The following CYP3A43 variants were observed in gnomAD, a reference collection of about 807,000 sequenced individuals.
CYP3A43 encodes cytochrome P450 3A43.
CYP3A43 carries 45 observed loss-of-function variants against 58.0 expected under a neutral mutation model. That is an observed-to-expected ratio of 0.78 (90% CI 0.61 to 0.99). The LOEUF (loss-of-function observed/expected upper bound fraction) is 0.99. CYP3A43 is among the 50% of genes least tolerant of loss of function. CYP3A43 has a pLI of 0.00. For synonymous variants in CYP3A43, 191 were observed against 201.4 expected (o/e 0.95, Z 0.44); for missense variants, 593 against 591.9 (o/e 1.00, Z -0.02).
chr7:99,843,031 G>A (rs56032313), intron 3 of CYP3A43, among the ~76,000 whole-genome samples: 75 of 152,296 alleles, frequency 4.9e-4, no homozygotes, highest in African/African-American at 1.4e-3. Flanking sequence ...ATGCGTAATC[G>A]ACTTTGCCTC....
At chr7:99,831,121 A>G (rs1214448090) in intron 1 of CYP3A43, among the ~76,000 whole-genome samples, 9 of 152,206 alleles carry the variant, frequency 5.9e-5, no homozygotes, top group Non-Finnish European at 7.3e-5. Context: ...TCGATGTGTG[A>G]GTAGGAAAAG....
At chr7:99,844,809 G>A (rs762008617) in intron 4 of CYP3A43, among the ~76,000 whole-genome samples, 5 of 152,046 alleles carry the variant, frequency 3.3e-5, no homozygotes, top group Non-Finnish European at 7.4e-5. Flanking sequence ...GGTGGCTCAC[G>A]CCTATAATCC....
At chr7:99,845,916 C>T (rs1817527853) in intron 4 of CYP3A43, among the ~76,000 whole-genome samples, 3 of 151,894 alleles carry the variant, frequency 2.0e-5, no homozygotes. Flanking sequence ...GCTGGGATTA[C>T]AGGCATGCGG....
intron 1 of CYP3A43, among the ~76,000 whole-genome samples, chr7:99,836,092 A>G (rs1225854633): frequency 6.6e-6 from 1 of 152,182 alleles, no homozygotes; most frequent in Non-Finnish European, 1.5e-5. Flanking sequence ...AGGAAAGGGA[A>G]TGTCCATCCC....
chr7:99,831,951 T>C (rs1221828523), intron 1 of CYP3A43, among the ~76,000 whole-genome samples: 4 of 152,204 alleles, frequency 2.6e-5, no homozygotes, highest in African/African-American at 7.2e-5. Context: ...AATCAAATCA[T>C]CTGACCACAG....
At chr7:99,863,069 A>G (rs1818303879) in intron 11 of CYP3A43, among the ~76,000 whole-genome samples, 1 of 152,202 alleles carries the variant, frequency 6.6e-6, no homozygotes, top group Non-Finnish European at 1.5e-5. Flanking sequence ...ACACATAACT[A>G]TATTCTATAG....
chr7:99,836,448 T>C lies in CYP3A43; in HGVS notation c.72-5T>C. 1 of 1,608,282 alleles carries C rather than the reference T, an allele frequency of 6.2e-7. No homozygotes were observed. The highest frequency in any genetic ancestry group is 8.5e-7 in the Non-Finnish European group (1 of 1,178,212). ...TGTAACCTGGCTTTCTCTTTTATTTTATAGTTATGGGACCCATTCACATAA... is the reference window on the plus strand; with the variant it reads ...TGTAACCTGGCTTTCTCTTTTATTTCATAGTTATGGGACCCATTCACATAA... On this transcript the variant is annotated splice_region_variant and splice_polypyrimidine_tract_variant and intron_variant, in intron 1 of 12. Transcript: ENST00000354829.
chr7:99,850,348 G>A (rs800666), intron 7 of CYP3A43, among the ~76,000 whole-genome samples: 29,465 of 151,510 alleles, frequency 0.19, 5,787 homozygotes, highest in African/African-American at 0.51. Context: ...TGCAACCTCC[G>A]CCTTCCAGGT....
At position 99,848,795 on chromosome 7, in the gene CYP3A43, C is replaced by T. The variant is rs576691533; in HGVS notation, c.521+541C>T. On this transcript the variant is annotated intron_variant, in intron 6 of 12. Transcript: ENST00000354829. ...TGTAAAGGCTATAGGTAGGGCAATGCTATTGTTTGTTGTCTGAACTGGAAT... is the reference window on the plus strand; with the variant it reads ...TGTAAAGGCTATAGGTAGGGCAATGTTATTGTTTGTTGTCTGAACTGGAAT... Among the ~76,000 whole-genome samples, 56 of 152,178 alleles carry T rather than the reference C, an allele frequency of 3.7e-4. 1 individual carries two copies. The highest frequency in any genetic ancestry group is 6.9e-4 in the Non-Finnish European group (47 of 68,032).
At chr7:99,848,361 A>C in intron 6 of CYP3A43, 107 bp downstream of exon 6, 1 of 1,223,088 alleles carries the variant, frequency 8.2e-7, no homozygotes, top group South Asian at 1.4e-5. Flanking sequence ...GGACAAAAGC[A>C]GGGCTGTGGT....
intron 4 of CYP3A43, among the ~76,000 whole-genome samples, chr7:99,845,326 T>A (rs1398082299): frequency 6.6e-6 from 1 of 151,996 alleles, no homozygotes; most frequent in African/African-American, 2.4e-5. Flanking sequence ...TTTTTCTTTT[T>A]CTTTTTTTTT....
chr7:99,861,493 C>T, intron 10 of CYP3A43, 120 bp from the exon 11 acceptor site: 1 of 850,434 alleles, frequency 1.2e-6, no homozygotes, highest in Middle Eastern at 2.7e-4. Flanking sequence ...ATAAATGCAA[C>T]AATCTTTTAC....
intron 4 of CYP3A43, among the ~76,000 whole-genome samples, chr7:99,844,613 G>A (rs1817470726): frequency 6.6e-6 from 1 of 152,170 alleles, no homozygotes; most frequent in African/African-American, 2.4e-5. Flanking sequence ...TTGTTACTAT[G>A]TGTAGCTTGT....
intron 1 of CYP3A43, among the ~76,000 whole-genome samples, chr7:99,831,248 T>C (rs948329246): frequency 6.6e-6 from 1 of 152,214 alleles, no homozygotes; most frequent in Non-Finnish European, 1.5e-5. Flanking sequence ...ATAAGATTTA[T>C]TTATTTGTAC....
chr7:99,848,520 A>G (rs1054785720), intron 6 of CYP3A43, among the ~76,000 whole-genome samples: 1 of 152,262 alleles, frequency 6.6e-6, no homozygotes, highest in Non-Finnish European at 1.5e-5. Context: ...AGAATAATAC[A>G]TTGTGTAGAA....
chr7:99,838,261 A>G (rs1369428483), intron 2 of CYP3A43, among the ~76,000 whole-genome samples: 1 of 152,174 alleles, frequency 6.6e-6, no homozygotes, highest in African/African-American at 2.4e-5. Context: ...TTGCCCACTC[A>G]CTCATTTTCT....
intron 11 of CYP3A43, 119 bp downstream of exon 11, chr7:99,861,958 A>G (rs1818255639): frequency 1.2e-6 from 1 of 851,948 alleles, no homozygotes; most frequent in Non-Finnish European, 1.8e-6. Flanking sequence ...GAAGTTTTTT[A>G]TTACAAAATG....
At chr7:99,859,148 G>T (rs1818116848) in intron 9 of CYP3A43, among the ~76,000 whole-genome samples, 1 of 152,140 alleles carries the variant, frequency 6.6e-6, no homozygotes, top group African/African-American at 2.4e-5. Flanking sequence ...TGTAATCCAT[G>T]CTTCTCAAGC....
At chr7:99,849,988 C>G in intron 7 of CYP3A43, 1 of 426,814 alleles carries the variant, frequency 2.3e-6, no homozygotes, top group South Asian at 1.7e-5. Context: ...GACAGAGTCT[C>G]GCTGTGTTGC....
Sources: allele counts gnomAD v4.1 joint callset (sites outside exome capture counted in the v4.1 genomes callset), GRCh38; gene constraint gnomAD v4.1.1; transcripts MANE v1.5; gene names NCBI Gene and HGNC (gene_info 2026-07-23, HGNC 2026-07-21).